The following EFR3B variants were observed in gnomAD, a reference collection of about 807,000 sequenced individuals.
The protein encoded by EFR3B is EFR3 homolog B, also known as protein EFR3 homolog B.
Under a neutral mutation model 104.7 loss-of-function variants are expected in EFR3B, and 64 were observed. That is an observed-to-expected ratio of 0.61 (90% CI 0.50 to 0.75). The LOEUF (loss-of-function observed/expected upper bound fraction) is 0.75, where lower values mean the gene tolerates loss of function less well. Among genes scored for constraint, EFR3B ranks in the 30% least tolerant of loss-of-function variants. The pLI, the probability that EFR3B is intolerant of heterozygous loss-of-function variation, is 0.00. For synonymous variants in EFR3B, 385 were observed against 417.9 expected (o/e 0.92, Z 0.96); for missense variants, 750 against 1,078.5 (o/e 0.70, Z 4.27).
chr2:25,135,243 C>T (rs769199855), intron 12 of EFR3B, among the ~76,000 whole-genome samples: 5 of 152,124 alleles, frequency 3.3e-5, no homozygotes, highest in African/African-American at 4.8e-5. Flanking sequence ...TGTCCCTGCA[C>T]GCTGTCCCCA....
intron 20 of EFR3B, among the ~76,000 whole-genome samples, chr2:25,151,086 T>C (rs1326231141): frequency 6.6e-6 from 1 of 151,864 alleles, no homozygotes; most frequent in Non-Finnish European, 1.5e-5. Context: ...TCAACAGTAT[T>C]ATGGACATGT....
At chr2:25,138,046 C>T (rs1670568043) in intron 15 of EFR3B, among the ~76,000 whole-genome samples, 1 of 152,102 alleles carries the variant, frequency 6.6e-6, no homozygotes, top group Admixed American at 6.5e-5. Flanking sequence ...GTGGTGCATG[C>T]GTGTAGTCCC....
intron 4 of EFR3B, among the ~76,000 whole-genome samples, chr2:25,106,456 A>ATTTTTT (rs35899048): frequency 7.7e-6 from 1 of 129,728 alleles, no homozygotes; most frequent in African/African-American, 2.9e-5. Flanking sequence ...TGCCCAGCTA[A>ATTTTTT]TTTTTTTTTT....
At chr2:25,100,402 C>A (rs1040253528) in intron 3 of EFR3B, among the ~76,000 whole-genome samples, 1 of 152,246 alleles carries the variant, frequency 6.6e-6, no homozygotes, top group Admixed American at 6.5e-5. Flanking sequence ...GTAAGAGAGG[C>A]CTTTTGCTAC....
chr2:25,154,157 ACT>A lies in EFR3B; in HGVS notation c.2349-75_2349-74del. On this transcript the variant is annotated intron_variant, in intron 22 of 22. Transcript: ENST00000403714. The surrounding 1 kb of genome is among the most constrained non-coding windows in gnomAD (Gnocchi z 4.1). ...GTGCAAAAAGAAACCCAAGTCACCT[ACT>A]CTGTTTGGTTGCACAAGGGTGGGAT... The A allele has an allele frequency of 1.5e-6, 2 of 1,328,990 alleles. No individual in the cohort carries two copies. Among genetic ancestry groups the A allele is most frequent in the African/African-American group, 1.5e-5 (1 of 68,176 alleles). 82.3% of individuals were successfully genotyped at this position (1,328,990 alleles called of 1,614,324 possible).
chr2:25,118,442 T>A (rs1455007624), intron 4 of EFR3B, among the ~76,000 whole-genome samples: 1 of 152,140 alleles, frequency 6.6e-6, no homozygotes, highest in East Asian at 1.9e-4. Context: ...TTCCACTGTG[T>A]GTGTGTGTAT....
intron 1 of EFR3B, among the ~76,000 whole-genome samples, chr2:25,062,484 C>T (rs183022817): frequency 2.0e-5 from 3 of 152,322 alleles, no homozygotes; most frequent in East Asian, 3.9e-4. Flanking sequence ...AGAAAACATC[C>T]GTGCAAACAA....
At chr2:25,126,063 A>C (rs1189945227) in intron 5 of EFR3B, among the ~76,000 whole-genome samples, 1 of 152,264 alleles carries the variant, frequency 6.6e-6, no homozygotes, top group East Asian at 1.9e-4. Flanking sequence ...TCATAAAATT[A>C]GAACAGATGT....
chr2:25,078,544 C>T (rs1668697545), intron 1 of EFR3B, among the ~76,000 whole-genome samples: 1 of 152,120 alleles, frequency 6.6e-6, no homozygotes, highest in African/African-American at 2.4e-5. Flanking sequence ...CTGAGTCTCA[C>T]GCTGTTCAAA....
chr2:25,095,648 A>G (rs897170984), intron 3 of EFR3B, among the ~76,000 whole-genome samples: 5 of 152,054 alleles, frequency 3.3e-5, no homozygotes, highest in African/African-American at 1.2e-4. Context: ...GTGAGCTGAG[A>G]TCACGCCACT....
chr2:25,122,854 GT>G (rs1670053135), intron 5 of EFR3B, among the ~76,000 whole-genome samples: 1 of 152,058 alleles, frequency 6.6e-6, no homozygotes, highest in Non-Finnish European at 1.5e-5. Flanking sequence ...AGGGTCCGTC[GT>G]TTTACTCACG....
intron 11 of EFR3B, 117 bp from the exon 12 acceptor site, chr2:25,133,266 G>T: frequency 3.4e-6 from 4 of 1,180,552 alleles, no homozygotes; most frequent in South Asian, 1.3e-5. Context: ...TCACTGTCCT[G>T]GGTAACCCAA....
At chr2:25,115,735 AGAG>A (rs1281235579) in intron 4 of EFR3B, among the ~76,000 whole-genome samples, 3 of 152,352 alleles carry the variant, frequency 2.0e-5, no homozygotes, top group South Asian at 2.1e-4. Flanking sequence ...TTTGACACAC[AGAG>A]GAGAAGATGA....
rs901359525 is a variant in EFR3B, at chr2:25,060,195, CA to C, written c.7+17885del. Among the ~76,000 whole-genome samples the C allele has an allele frequency of 2.1e-3, 309 of 149,318 alleles. 1 individual carries two copies. The highest frequency in any genetic ancestry group is 7.2e-3 in the African/African-American group (292 of 40,716). On this transcript the variant is annotated intron_variant, in intron 1 of 22. Transcript: ENST00000403714. ...TGGGTGACAGAGCGAGACTCCGTCT[CA>C]AAAAAAAAGAAAAGGCTAAAATGGC...
chr2:25,154,613 G>A lies in EFR3B; in HGVS notation c.*273G>A. 2.4e-6 allele frequency: 1 copy of A among 415,794 alleles called. No individual in the cohort carries two copies. Among genetic ancestry groups the A allele is most frequent in the South Asian group, 4.6e-5 (1 of 21,858 alleles). 25.8% of individuals were successfully genotyped at this position (415,794 alleles called of 1,614,324 possible). ...TCAGCCAGGGGCAGAGAATCATGGGGTGTCTCTCAGGAGAAGCCGGGGGGA... is the reference window on the plus strand; with the variant it reads ...TCAGCCAGGGGCAGAGAATCATGGGATGTCTCTCAGGAGAAGCCGGGGGGA... On this transcript the variant is annotated 3_prime_UTR_variant, in exon 23 of 23. Coordinates refer to ENST00000403714, the MANE Select transcript of EFR3B (RefSeq NM_014971.2). The surrounding 1 kb of genome is among the most constrained non-coding windows in gnomAD (Gnocchi z 4.1).
chr2:25,150,300 CAA>C (rs533611175), intron 20 of EFR3B, among the ~76,000 whole-genome samples: 46 of 62,756 alleles, frequency 7.3e-4, no homozygotes, highest in African/African-American at 1.5e-3. Flanking sequence ...ACTCCCATCT[CAA>C]AAAAAAAAAA....
chr2:25,052,896 A>G (rs1667920203), intron 1 of EFR3B, among the ~76,000 whole-genome samples: 1 of 152,144 alleles, frequency 6.6e-6, no homozygotes, highest in African/African-American at 2.4e-5. Flanking sequence ...CCCCAACTCC[A>G]TGATGAAGGA....
intron 4 of EFR3B, among the ~76,000 whole-genome samples, chr2:25,121,262 C>T (rs1483805080): frequency 6.6e-6 from 1 of 152,186 alleles, no homozygotes; most frequent in Non-Finnish European, 1.5e-5. Flanking sequence ...CAGATTTGTT[C>T]TTGTGTCCTC....
chr2:25,097,508 C>T (rs1393711410), intron 3 of EFR3B, among the ~76,000 whole-genome samples: 1 of 152,032 alleles, frequency 6.6e-6, no homozygotes, highest in Non-Finnish European at 1.5e-5. Flanking sequence ...GATGCTGGAC[C>T]CAGGGGCAGA....
Sources: allele counts gnomAD v4.1 joint callset (sites outside exome capture counted in the v4.1 genomes callset), GRCh38; gene constraint gnomAD v4.1.1; non-coding constraint Gnocchi (gnomAD v3.1); transcripts MANE v1.5; gene names NCBI Gene and HGNC (gene_info 2026-07-23, HGNC 2026-07-21).